DCX: variants seen among roughly 807,000 people sequenced by gnomAD.
DCX encodes doublecortin.
In DCX, 4 loss-of-function variants were observed where a neutral mutation model predicts 20.9. The ratio of observed to expected loss-of-function variants is 0.19; its 90% CI spans 0.09 to 0.44. The LOEUF (loss-of-function observed/expected upper bound fraction) is 0.44. Among genes scored for constraint, DCX ranks in the 20% least tolerant of loss-of-function variants. The pLI is 0.99. For synonymous variants in DCX, 103 were observed against 111.4 expected, an observed-to-expected ratio of 0.92 and a Z score of 0.47; for missense variants, 133 against 296.9, an observed-to-expected ratio of 0.45 and a Z score of 4.06.
At chrX:111,308,780 G>A (rs1232925865) in intron 6 of DCX, among the ~76,000 whole-genome samples, 7 of 111,382 alleles carry the variant, frequency 6.3e-5, no homozygotes, top group Admixed American at 3.8e-4. Context: ...CATACAAAAT[G>A]CCTCTAAATT....
chrX:111,313,254 G>T (rs1335048538), intron 5 of DCX, among the ~76,000 whole-genome samples: 1 of 110,633 alleles, frequency 9.0e-6, no homozygotes, highest in African/African-American at 3.3e-5. Flanking sequence ...TCCTGCTCAT[G>T]CCACACCATT....
chrX:111,403,148 C>T (rs1361211751), intron 2 of DCX, among the ~76,000 whole-genome samples: 1 of 111,744 alleles, frequency 8.9e-6, no homozygotes. Flanking sequence ...ACCCCCATAA[C>T]CCTAGAAATG....
chrX:111,317,569 A>G (rs2095075676), intron 5 of DCX, among the ~76,000 whole-genome samples: 1 of 111,727 alleles, frequency 9.0e-6, no homozygotes. Context: ...AATAGGATCT[A>G]ATTAAACTAA....
rs1008190716 is a variant in DCX, at chrX:111,322,305, T to C, written c.946+8599A>G. On this transcript the variant is annotated intron_variant, in intron 5 of 6. Coordinates refer to ENST00000636035, the MANE Select transcript of DCX (RefSeq NM_001195553.2). ...CCCCTTCTCACTGGATAGTGGCTTC[T>C]GGACTTGCTCACAGATTCTATTTCA... Among the ~76,000 whole-genome samples the C allele has an allele frequency of 7.2e-5, 8 of 111,531 alleles. No homozygotes were observed. The Admixed American group carries it at 7.6e-4, about 11-fold the overall frequency.
intron 3 of DCX, among the ~76,000 whole-genome samples, chrX:111,341,709 G>A (rs184823035): frequency 1.8e-4 from 20 of 111,627 alleles, no homozygotes; most frequent in African/African-American, 6.2e-4. Context: ...GAAGAGATTG[G>A]GGGCCAATAT....
chrX:111,410,079 A>G lies in DCX; in HGVS notation c.320T>C (p.Ile107Thr), dbSNP rs1064795584. 1.7e-6 allele frequency: 2 copies of G among 1,211,496 alleles called. No homozygotes were observed. Among genetic ancestry groups the G allele is most frequent in the Non-Finnish European group, 2.2e-6 (2 of 895,441 alleles). ...LPQGVRYIYT[I>T]DGSRKIGSMD... The stretch of plus-strand genomic sequence containing the variant: ...GCTTCCGATCTTCCTGGATCCATCA[A>G]TGGTGTAAATGTAACGCACTCCCTG... Residue 107 changes from isoleucine to threonine, a missense_variant, in exon 2 of 7, where the codon ATT (isoleucine) becomes ACT (threonine). Around this residue, in one of 2 missense-constraint regions of DCX, gnomAD observed 65 missense variants for 212.6 expected, o/e 0.31. Coordinates refer to ENST00000636035, the MANE Select transcript of DCX (RefSeq NM_001195553.2).
intron 6 of DCX, among the ~76,000 whole-genome samples, chrX:111,310,157 C>T (rs2095054200): frequency 9.0e-6 from 1 of 111,331 alleles, no homozygotes; most frequent in African/African-American, 3.3e-5. Flanking sequence ...ACGGTGAAAC[C>T]TCGTCTCTAC....
intron 3 of DCX, among the ~76,000 whole-genome samples, chrX:111,380,743 G>A (rs1170603456): frequency 9.1e-6 from 1 of 110,153 alleles, no homozygotes; most frequent in Admixed American, 9.7e-5. Context: ...GGTCAATTTG[G>A]GGAATATTAT....
chrX:111,368,899 C>CATATAT (rs1445235198), intron 3 of DCX, among the ~76,000 whole-genome samples: 1 of 93,137 alleles, frequency 1.1e-5, no homozygotes, highest in African/African-American at 5.5e-5. Context: ...TATATATATA[C>CATATAT]ATACACACAC....
intron 5 of DCX, among the ~76,000 whole-genome samples, chrX:111,329,433 C>T (rs1186000356): frequency 9.0e-6 from 1 of 111,667 alleles, no homozygotes; most frequent in Non-Finnish European, 1.9e-5. Flanking sequence ...GAAAATGAAC[C>T]TACCACATTA....
At position 111,330,810 on chromosome X, in the gene DCX, AG is replaced by A. The variant is rs1921145927; in HGVS notation, c.946+93del. On this transcript the variant is annotated intron_variant, in intron 5 of 6. Transcript: ENST00000636035. ...ATAGAATAGGGTTTCATGGAGACAC[AG>A]TGGTGTTCATGAGGAACTGATTCCT... The A allele has an allele frequency of 6.3e-6, 7 of 1,118,321 alleles. No homozygotes were observed. In the Admixed American group the frequency reaches 1.3e-4, roughly 21 times the overall value. The allele number at this position is 1,118,321 out of a possible 1,213,427, so 92.2% of individuals were successfully genotyped here. A position where few individuals can be genotyped will look rare whatever the true frequency, so the allele number is the denominator to read the frequency against.
chrX:111,396,844 C>T (rs914946928), intron 3 of DCX, among the ~76,000 whole-genome samples: 1 of 111,268 alleles, frequency 9.0e-6, no homozygotes, highest in Admixed American at 9.6e-5. Context: ...GTAGCCAGAG[C>T]CCTACCAACT....
rs1160164390 is a variant in DCX at position 111,350,531 on chromosome X, A to G, written c.706-17378T>C. On this transcript the variant is annotated intron_variant, in intron 3 of 6. Transcript: ENST00000636035. The stretch of plus-strand genomic sequence containing the variant: ...GGTGATTTGCAAAGACCAAATGTCT[A>G]CAAAAAAAGGACATGGACTAGAACT... Among the ~76,000 whole-genome samples the G allele has an allele frequency of 6.3e-5, 7 of 111,687 alleles. No individual in the cohort carries two copies. In the South Asian group the frequency reaches 2.3e-3, roughly 36 times the overall value.
chrX:111,320,116 TTCCCTGG>T (rs1391733839), intron 5 of DCX, among the ~76,000 whole-genome samples: 1 of 111,858 alleles, frequency 8.9e-6, no homozygotes, highest in Non-Finnish European at 1.9e-5. Flanking sequence ...GTTCCCAGAG[TTCCCTGG>T]TAGAATGAAA....
chrX:111,378,652 A>T (rs1231418762), intron 3 of DCX, among the ~76,000 whole-genome samples: 2 of 111,074 alleles, frequency 1.8e-5, no homozygotes, highest in African/African-American at 6.6e-5. Flanking sequence ...GGCCATTAGT[A>T]GCTTGCCCCA....
In DCX at chrX:111,317,297, A is replaced by G. The variant is rs1042231444; in HGVS notation, c.947-4561T>C. On this transcript the variant is annotated intron_variant, in intron 5 of 6. Transcript: ENST00000636035. ...CAAACCTACAACCATCTGATCTTTG[A>G]CAAAGTTGACAAAACTAAGCAATAG... Among the ~76,000 whole-genome samples, 3 of 111,683 alleles carry G rather than the reference A, an allele frequency of 2.7e-5. No homozygotes were observed. In the Admixed American group the frequency reaches 2.9e-4, roughly 11 times the overall value.
At chrX:111,370,142 C>A (rs1924959691) in intron 3 of DCX, among the ~76,000 whole-genome samples, 1 of 111,792 alleles carries the variant, frequency 8.9e-6, no homozygotes, top group South Asian at 3.7e-4. Context: ...AAAATTTCAT[C>A]CAAGTTAGTC....
Position 111,312,863 on chromosome X carries a change from A to T in DCX, c.947-127T>A. ...ACACAGACAACCAAGTGATTTGGTG[A>T]GTAGAACAAAGGTGAAAAGAAACAC... On this transcript the variant is annotated intron_variant, in intron 5 of 6. Transcript: ENST00000636035. The T allele has an allele frequency of 4.8e-6, 3 of 622,994 alleles. No individual in the cohort carries two copies. The East Asian group carries it at 1.1e-4, about 22-fold the overall frequency. 51.3% of individuals were successfully genotyped at this position (622,994 alleles called of 1,213,427 possible).
chrX:111,341,615 C>T (rs1922245382), intron 3 of DCX, among the ~76,000 whole-genome samples: 1 of 111,270 alleles, frequency 9.0e-6, no homozygotes, highest in Non-Finnish European at 1.9e-5. Flanking sequence ...ATGTTAAGGG[C>T]AGCCAGAGAG....
Sources: allele counts gnomAD v4.1 joint callset (sites outside exome capture counted in the v4.1 genomes callset), GRCh38; gene constraint gnomAD v4.1.1; regional missense constraint gnomAD v4.1.1; transcripts MANE v1.5; gene names NCBI Gene and HGNC (gene_info 2026-07-23, HGNC 2026-07-21).